NR3C2: variants seen among roughly 807,000 people sequenced by gnomAD.
NR3C2 encodes the protein nuclear receptor subfamily 3 group C member 2, also known as mineralocorticoid receptor.
Under a neutral mutation model 86.4 loss-of-function variants are expected in NR3C2, and 15 were observed. The ratio of observed to expected loss-of-function variants is 0.17; its 90% CI spans 0.12 to 0.27. The LOEUF (loss-of-function observed/expected upper bound fraction) is 0.27, where lower values mean the gene tolerates loss of function less well. Among genes scored for constraint, NR3C2 ranks in the 10% least tolerant of loss-of-function variants. NR3C2 has a pLI of 1.00. For synonymous variants in NR3C2, 458 were observed against 450.5 expected (o/e 1.02, Z -0.21); for missense variants, 960 against 1,195.6 (o/e 0.80, Z 2.91).
intron 2 of NR3C2, among the ~76,000 whole-genome samples, chr4:148,417,290 T>C (rs534609139): frequency 2.6e-5 from 4 of 152,342 alleles, no homozygotes; most frequent in African/African-American, 9.6e-5. Context: ...TATGTATGCA[T>C]GTGTGTATGC....
At chr4:148,334,022 A>T (rs1160838805) in intron 2 of NR3C2, among the ~76,000 whole-genome samples, 1 of 152,194 alleles carries the variant, frequency 6.6e-6, no homozygotes, top group Non-Finnish European at 1.5e-5. Flanking sequence ...ACGAATTGTG[A>T]AGTTGAAATA....
At chr4:148,404,415 T>C (rs902397667) in intron 2 of NR3C2, among the ~76,000 whole-genome samples, 2 of 152,274 alleles carry the variant, frequency 1.3e-5, no homozygotes. Context: ...AAAATTTTGT[T>C]ACAGGTCAAA....
At chr4:148,178,560 C>CT (rs533484192) in intron 4 of NR3C2, among the ~76,000 whole-genome samples, 6 of 151,808 alleles carry the variant, frequency 4.0e-5, no homozygotes, top group African/African-American at 1.4e-4. Flanking sequence ...TTATTATACT[C>CT]TGATTGTTAC....
At chr4:148,413,340 C>T (rs768343235) in intron 2 of NR3C2, among the ~76,000 whole-genome samples, 8 of 152,042 alleles carry the variant, frequency 5.3e-5, no homozygotes, top group Non-Finnish European at 1.2e-4. Flanking sequence ...CTTTTATCCA[C>T]TACTACATGA....
intron 2 of NR3C2, among the ~76,000 whole-genome samples, chr4:148,317,671 A>G (rs1743269555): frequency 6.6e-6 from 1 of 152,160 alleles, no homozygotes; most frequent in Admixed American, 6.5e-5. Context: ...TTCCTTGAAA[A>G]TACATCCTAA....
chr4:148,100,537 A>T (rs1238746350), intron 8 of NR3C2, among the ~76,000 whole-genome samples: 1 of 152,256 alleles, frequency 6.6e-6, no homozygotes, highest in Non-Finnish European at 1.5e-5. Flanking sequence ...CACAAGCATG[A>T]AGATGAGCAC....
chr4:148,337,665 GCTAT>G (rs1744559746), intron 2 of NR3C2, among the ~76,000 whole-genome samples: 1 of 152,062 alleles, frequency 6.6e-6, no homozygotes, highest in Non-Finnish European at 1.5e-5. Flanking sequence ...TGCAGGTTTG[GCTAT>G]CTTTTAACAA....
chr4:148,323,718 A>G (rs1376593238), intron 2 of NR3C2, among the ~76,000 whole-genome samples: 12 of 152,044 alleles, frequency 7.9e-5, no homozygotes, highest in Admixed American at 3.3e-4. Flanking sequence ...AAGTGAGGCA[A>G]TGCCTCGCCC....
At chr4:148,312,575 G>A (rs1244104882) in intron 2 of NR3C2, among the ~76,000 whole-genome samples, 1 of 152,132 alleles carries the variant, frequency 6.6e-6, no homozygotes, top group South Asian at 2.1e-4. Context: ...AATACTAAAG[G>A]AATGAAAGAA....
chr4:148,135,873 C>T (rs1020947715), intron 6 of NR3C2, among the ~76,000 whole-genome samples: 3 of 150,342 alleles, frequency 2.0e-5, no homozygotes, highest in Non-Finnish European at 1.5e-5. Context: ...CGGCTAAAAA[C>T]GGTGAAACCC....
At chr4:148,144,114 T>G (rs1272502716) in intron 6 of NR3C2, among the ~76,000 whole-genome samples, 2 of 152,190 alleles carry the variant, frequency 1.3e-5, no homozygotes, top group Non-Finnish European at 2.9e-5. Context: ...CTCATTATGA[T>G]GTAACTCAGA....
intron 2 of NR3C2, among the ~76,000 whole-genome samples, chr4:148,267,571 A>G (rs1405322979): frequency 6.6e-6 from 1 of 152,206 alleles, no homozygotes; most frequent in Non-Finnish European, 1.5e-5. Flanking sequence ...ATAATACCAC[A>G]ATAGCCATAT....
At chr4:148,239,035 A>G (rs1691344126) in intron 3 of NR3C2, among the ~76,000 whole-genome samples, 1 of 152,240 alleles carries the variant, frequency 6.6e-6, no homozygotes, top group African/African-American at 2.4e-5. Context: ...TGGTACTTTC[A>G]TAAACCAAGT....
intron 2 of NR3C2, among the ~76,000 whole-genome samples, chr4:148,412,683 C>A (rs1040280389): frequency 6.6e-6 from 1 of 152,178 alleles, no homozygotes; most frequent in African/African-American, 2.4e-5. Flanking sequence ...ACATTCTAGG[C>A]TTACATTCTT....
At chr4:148,211,243 C>T (rs1737266625) in intron 3 of NR3C2, among the ~76,000 whole-genome samples, 1 of 152,194 alleles carries the variant, frequency 6.6e-6, no homozygotes, top group African/African-American at 2.4e-5. Context: ...AAGGCAAGTA[C>T]TCCAGGAGAT....
intron 2 of NR3C2, among the ~76,000 whole-genome samples, chr4:148,421,691 T>C (rs1334783314): frequency 6.6e-6 from 1 of 152,194 alleles, no homozygotes; most frequent in Non-Finnish European, 1.5e-5. Context: ...CTAGTTTCAT[T>C]AAAACTCTCA....
intron 2 of NR3C2, among the ~76,000 whole-genome samples, chr4:148,426,012 G>C (rs1749511553): frequency 6.6e-6 from 1 of 151,986 alleles, no homozygotes. Context: ...CAATCCTCTT[G>C]TCTCTCTCAC....
At chr4:148,444,258 G>T (rs1345776493), upstream of NR3C2, 2 of 985,294 alleles carry the variant, frequency 2.0e-6, no homozygotes, top group African/African-American at 3.5e-5. Flanking sequence ...CTCCTTTGAG[G>T]AGGGCCGGTC....
rs965096413 is a variant in NR3C2, at chr4:148,183,427, C to T, written c.2014+11319G>A. Among the ~76,000 whole-genome samples the T allele has an allele frequency of 3.9e-4, 59 of 152,152 alleles. 2 individuals are homozygous for T. The highest frequency in any genetic ancestry group is 1.3e-4 in the Non-Finnish European group (9 of 68,012). On this transcript the variant is annotated intron_variant, in intron 4 of 8. Coordinates refer to ENST00000358102, the MANE Select transcript of NR3C2 (RefSeq NM_000901.5). ...CTTCCACAATGGTTGAACTAGTTTACACTCCCACCAACAGTGTAAAAGCAT... is the reference window on the plus strand; with the variant it reads ...CTTCCACAATGGTTGAACTAGTTTATACTCCCACCAACAGTGTAAAAGCAT...
Sources: gnomAD v4.1 joint callset for allele counts (sites outside exome capture counted in the v4.1 genomes callset) on GRCh38, gnomAD v4.1.1 for gene constraint, MANE v1.5 for transcripts, NCBI Gene and HGNC (gene_info 2026-07-23, HGNC 2026-07-21) for gene names.